The following RINT1 variants were observed in gnomAD, a reference collection of about 807,000 sequenced individuals.
RINT1 encodes the protein RAD50-interacting protein 1.
Under a neutral mutation model 97.7 loss-of-function variants are expected in RINT1, and 75 were observed. That is an observed-to-expected ratio of 0.77 (90% confidence interval 0.64 to 0.93). The LOEUF (loss-of-function observed/expected upper bound fraction) is 0.93, where lower values mean the gene tolerates loss of function less well. Among genes scored for constraint, RINT1 ranks in the 40% least tolerant of loss-of-function variants. The pLI is 0.00. For missense variants in RINT1, 892 were observed against 925.2 expected (o/e 0.96, Z 0.47); for synonymous variants, 303 against 326.3 (o/e 0.93, Z 0.77).
chr7:105,551,730 G>T, intron 10 of RINT1, 23 bp downstream of exon 10: 2 of 1,569,008 alleles, frequency 1.3e-6, no homozygotes, highest in South Asian at 2.4e-5. Context: ...TTTAAGATAT[G>T]ACTTTGTTTT....
intron 11 of RINT1, among the ~76,000 whole-genome samples, chr7:105,559,437 A>T (rs909205923): frequency 6.8e-6 from 1 of 146,298 alleles, no homozygotes; most frequent in Non-Finnish European, 1.5e-5. Flanking sequence ...GCTACTCAGG[A>T]GGCTGAGACA....
intron 11 of RINT1, among the ~76,000 whole-genome samples, chr7:105,562,357 C>A (rs1019776359): frequency 6.6e-6 from 1 of 152,144 alleles, no homozygotes; most frequent in Non-Finnish European, 1.5e-5. Context: ...CTCCAGCAGT[C>A]TTCCCATCTC....
intron 14 of RINT1, 33 bp from the exon 15 acceptor site, chr7:105,567,086 A>T: frequency 3.0e-6 from 4 of 1,336,234 alleles, no homozygotes; most frequent in Non-Finnish European, 4.0e-6. Context: ...GATAATGGAG[A>T]TCTCATTTCC....
intron 3 of RINT1, among the ~76,000 whole-genome samples, chr7:105,537,799 G>A (rs757436375): frequency 2.6e-5 from 4 of 151,772 alleles, no homozygotes; most frequent in Admixed American, 6.6e-5. Context: ...TCATGCCATC[G>A]CACTCCAGCC....
chr7:105,561,678 C>G (rs191604137), intron 11 of RINT1, among the ~76,000 whole-genome samples: 345 of 152,196 alleles, frequency 2.3e-3, no homozygotes, highest in Non-Finnish European at 4.0e-3. Context: ...TCTTCTGCCT[C>G]AGCCTCCCGA....
chr7:105,532,750 C>T, intron 1 of RINT1, 74 bp from the exon 2 acceptor site: 1 of 1,509,488 alleles, frequency 6.6e-7, no homozygotes, highest in Non-Finnish European at 9.2e-7. Context: ...CAGTGGGTGC[C>T]CTTTGGGAGC....
At chr7:105,534,477 A>G (rs1790150586) in intron 2 of RINT1, among the ~76,000 whole-genome samples, 1 of 151,932 alleles carries the variant, frequency 6.6e-6, no homozygotes, top group Admixed American at 6.6e-5. Flanking sequence ...TACACCACAC[A>G]AATCACTTGT....
At chr7:105,544,058 C>G (rs1790564114) in intron 4 of RINT1, among the ~76,000 whole-genome samples, 2 of 151,804 alleles carry the variant, frequency 1.3e-5, no homozygotes, top group African/African-American at 4.8e-5. Flanking sequence ...TGAGGTTGTG[C>G]CATTGCACTG....
chr7:105,560,946 T>C (rs1791411865), intron 11 of RINT1, among the ~76,000 whole-genome samples: 1 of 152,012 alleles, frequency 6.6e-6, no homozygotes, highest in South Asian at 2.1e-4. Flanking sequence ...ATCTCGAACC[T>C]CAGACCTCAA....
chr7:105,567,208 C>T lies in RINT1; in HGVS notation c.2276C>T (p.Pro759Leu), dbSNP rs34310648. 12,074 of 1,613,198 alleles carry T rather than the reference C, an allele frequency of 7.5e-3. 59 individuals are homozygous for T. The highest frequency in any genetic ancestry group is 8.6e-3 in the Non-Finnish European group (10,171 of 1,179,724). ...DVLQSASGQL[P>L]ATAALNEVGI... Reference sequence around the variant, plus strand: ...CTGCAGTCAGCTTCAGGGCAGCTTCCTGCCACAGCAGCATTAAATGAAGTT... The same window carrying T: ...CTGCAGTCAGCTTCAGGGCAGCTTCTTGCCACAGCAGCATTAAATGAAGTT... The change falls in exon 15 of 15, where the codon CCT becomes CTT. Residue 759 changes from proline to leucine, a missense_variant. Coordinates refer to ENST00000257700, the MANE Select transcript of RINT1 (RefSeq NM_021930.6).
chr7:105,563,668 A>G, intron 11 of RINT1, 65 bp from the exon 12 acceptor site: 1 of 1,316,650 alleles, frequency 7.6e-7, no homozygotes, highest in Non-Finnish European at 1.1e-6. Flanking sequence ...TGTATGACAT[A>G]TGAATTCTAT....
At chr7:105,545,528 ATATTTT>A (rs1303538812) in intron 4 of RINT1, among the ~76,000 whole-genome samples, 1 of 141,292 alleles carries the variant, frequency 7.1e-6, no homozygotes, top group African/African-American at 2.6e-5. Flanking sequence ...ATATATATAT[ATATTTT>A]TTTTTTTTTG....
rs1478840332 is a variant in RINT1 at position 105,550,323 on chromosome 7, T to C, written c.1170T>C (p.Cys390=). Residue 390 remains cysteine, a synonymous_variant, in exon 9 of 15, where the codon TGT becomes TGC. Transcript: ENST00000257700. ...AGAAGTTAGCCACTGATATTCCTTG[T>C]CTGCTATATGATGACAATCTCTTCT... The part of the protein sequence containing the change: ...VLEKLATDIP[C]LLYDDNLFCH... The C allele has an allele frequency of 6.2e-7, 1 of 1,614,056 alleles. No individual in the cohort carries two copies. Among genetic ancestry groups the C allele is most frequent in the Non-Finnish European group, 8.5e-7 (1 of 1,180,038 alleles).
chr7:105,549,282 T>C (rs1283735995), intron 7 of RINT1, among the ~76,000 whole-genome samples: 1 of 152,050 alleles, frequency 6.6e-6, no homozygotes, highest in Non-Finnish European at 1.5e-5. Context: ...CCACTGCGCC[T>C]GGCATGTACT....
chr7:105,547,109 G>T lies in RINT1; in HGVS notation c.689+26G>T, dbSNP rs761395252. ...GTAGGGAATTTACCCATATTTTGTG[G>T]TAATTGCTTTCCGATGGGTATTTGG... On this transcript the variant is annotated intron_variant, in intron 5 of 14. Coordinates refer to ENST00000257700, the MANE Select transcript of RINT1 (RefSeq NM_021930.6). 2.5e-6 allele frequency: 4 copies of T among 1,612,796 alleles called. No homozygotes were observed. In the African/African-American group the frequency reaches 5.3e-5, roughly 22 times the overall value.
intron 11 of RINT1, among the ~76,000 whole-genome samples, chr7:105,561,959 A>C (rs1308232397): frequency 2.0e-5 from 3 of 152,184 alleles, no homozygotes; most frequent in Non-Finnish European, 2.9e-5. Context: ...ACAAAATTCA[A>C]AAGCCACAAA....
chr7:105,557,928 G>T lies in RINT1; in HGVS notation c.1671+2701G>T, dbSNP rs74531305. 9.4e-3 allele frequency among the ~76,000 whole-genome samples: 1,434 copies of T among 152,178 alleles called. 15 individuals carry two copies. Among genetic ancestry groups the T allele is most frequent in the African/African-American group, 0.033 (1,379 of 41,512 alleles). ...TCCTATAAAAATAACTGAAATCCAT[G>T]TGCATAATGTCATTCTGCTGAGCAA... On this transcript the variant is annotated intron_variant, in intron 11 of 14. Transcript: ENST00000257700.
intron 3 of RINT1, among the ~76,000 whole-genome samples, chr7:105,539,340 C>T (rs1335231381): frequency 6.6e-6 from 1 of 150,610 alleles, no homozygotes; most frequent in Non-Finnish European, 1.5e-5. Context: ...TGGTATCCAT[C>T]CCATCTTTCC....
At chr7:105,533,015 T>C (rs1790095320) in intron 2 of RINT1, 146 bp downstream of exon 2, 2 of 738,294 alleles carry the variant, frequency 2.7e-6, no homozygotes, top group Non-Finnish European at 4.7e-6. Flanking sequence ...CTGATGACCA[T>C]GATACACATA....
Sources: allele counts gnomAD v4.1 joint callset (sites outside exome capture counted in the v4.1 genomes callset), GRCh38; gene constraint gnomAD v4.1.1; transcripts MANE v1.5; gene names NCBI Gene and HGNC (gene_info 2026-07-23, HGNC 2026-07-21).